The following GRIK2 variants were observed in gnomAD, a reference collection of about 807,000 sequenced individuals.
GRIK2 encodes the protein glutamate receptor ionotropic, kainate 2.
Under a neutral mutation model 100.3 loss-of-function variants are expected in GRIK2, and 32 were observed. That is an observed-to-expected ratio of 0.32 (90% CI 0.24 to 0.43). The LOEUF (loss-of-function observed/expected upper bound fraction) is 0.43, where lower values mean the gene tolerates loss of function less well. GRIK2 is among the 20% of genes least tolerant of loss of function. The pLI is 1.00. For synonymous variants in GRIK2, 417 were observed against 389.4 expected, an observed-to-expected ratio of 1.07 and a Z score of -0.83; for missense variants, 843 against 1,114.9, an observed-to-expected ratio of 0.76 and a Z score of 3.47.
At chr6:101,628,894 A>G (rs1780581172) in intron 4 of GRIK2, among the ~76,000 whole-genome samples, 1 of 152,136 alleles carries the variant, frequency 6.6e-6, no homozygotes, top group South Asian at 2.1e-4. Context: ...CTACAGACAT[A>G]TTAACTTTAT....
chr6:101,728,051 T>G lies in GRIK2; in HGVS notation c.951+41698T>G, dbSNP rs9404131. Among the ~76,000 whole-genome samples, 11 of 152,138 alleles carry G rather than the reference T, an allele frequency of 7.2e-5. No individual in the cohort carries two copies. In the East Asian group the frequency reaches 2.1e-3, roughly 29 times the overall value. On this transcript the variant is annotated intron_variant, in intron 7 of 16. Transcript: ENST00000369134. The stretch of plus-strand genomic sequence containing the variant: ...GAACCTGTCCAAATGCAGAAAAAAT[T>G]GATTTTAAAATAATTCATATAATTA...
chr6:101,538,897 T>A (rs1335725331), intron 2 of GRIK2, among the ~76,000 whole-genome samples: 1 of 151,750 alleles, frequency 6.6e-6, no homozygotes, highest in African/African-American at 2.4e-5. Flanking sequence ...AGCTTAGAAT[T>A]CCAACCAAAT....
At chr6:101,656,921 A>G (rs1769230944) in intron 4 of GRIK2, among the ~76,000 whole-genome samples, 1 of 152,216 alleles carries the variant, frequency 6.6e-6, no homozygotes. Flanking sequence ...TCTGGAGGCA[A>G]AGACTAAGTA....
chr6:101,458,853 T>A (rs1370518536), intron 2 of GRIK2, among the ~76,000 whole-genome samples: 3 of 152,198 alleles, frequency 2.0e-5, no homozygotes, highest in Admixed American at 2.0e-4. Flanking sequence ...ATTTCTTGAT[T>A]TTAAACTGAC....
At chr6:102,059,178 C>A (rs1045295648) in intron 16 of GRIK2, among the ~76,000 whole-genome samples, 2 of 150,954 alleles carry the variant, frequency 1.3e-5, no homozygotes, top group African/African-American at 4.8e-5. Flanking sequence ...AATATGTGGA[C>A]CTTCAAGCAT....
rs2786253 is a variant in GRIK2, at chr6:101,632,141, G to A, written c.541+5504G>A. 2.0e-3 allele frequency among the ~76,000 whole-genome samples: 297 copies of A among 152,140 alleles called. 2 individuals carry two copies. Among genetic ancestry groups the A allele is most frequent in the African/African-American group, 6.9e-3 (287 of 41,504 alleles). ...ACAAACACACTCAGGCATACCATCC[G>A]GCTTGGGTGTCACAAAGAAAGGCTG... On this transcript the variant is annotated intron_variant, in intron 4 of 16. Transcript: ENST00000369134.
chr6:101,892,206 C>A (rs1787150201), intron 12 of GRIK2, among the ~76,000 whole-genome samples: 1 of 152,090 alleles, frequency 6.6e-6, no homozygotes, highest in East Asian at 1.9e-4. Context: ...GTCTTAGACA[C>A]AGAGTTTTGG....
At chr6:101,576,492 T>C (rs1404817192) in intron 2 of GRIK2, among the ~76,000 whole-genome samples, 2 of 152,100 alleles carry the variant, frequency 1.3e-5, no homozygotes, top group East Asian at 1.9e-4. Flanking sequence ...CCAGAGGAAA[T>C]TACTATTTAT....
At chr6:101,432,592 A>G (rs1336948563) in intron 2 of GRIK2, among the ~76,000 whole-genome samples, 1 of 152,196 alleles carries the variant, frequency 6.6e-6, no homozygotes, top group Non-Finnish European at 1.5e-5. Flanking sequence ...ACATATTGAA[A>G]GTGATATTTA....
intron 14 of GRIK2, among the ~76,000 whole-genome samples, chr6:101,969,086 A>G (rs762612599): frequency 3.0e-4 from 45 of 152,040 alleles, no homozygotes; most frequent in Non-Finnish European, 5.7e-4. Flanking sequence ...AGCATAAAAT[A>G]TATTTCCTTA....
intron 2 of GRIK2, among the ~76,000 whole-genome samples, chr6:101,517,021 A>G (rs1582624908): frequency 6.6e-6 from 1 of 152,208 alleles, no homozygotes; most frequent in Non-Finnish European, 1.5e-5. Flanking sequence ...GCAATAGTCT[A>G]TTGCCTTATT....
chr6:101,955,179 G>T lies in GRIK2; in HGVS notation c.2085+26547G>T, dbSNP rs28852986. Among the ~76,000 whole-genome samples the T allele has an allele frequency of 8.4e-3, 1,269 of 151,910 alleles. 16 individuals are homozygous for T. The highest frequency in any genetic ancestry group is 0.029 in the African/African-American group (1,187 of 41,412). On this transcript the variant is annotated intron_variant, in intron 14 of 16. Transcript: ENST00000369134. ...AGTTTGTTTTTCTTGTGATTTTTTT[G>T]GGGGGTTTTGATATCAGGTTGACAC...
chr6:101,486,747 A>G (rs1370359891), intron 2 of GRIK2, among the ~76,000 whole-genome samples: 9 of 117,264 alleles, frequency 7.7e-5, no homozygotes, highest in Admixed American at 7.3e-4. Flanking sequence ...GGCTTAGGTA[A>G]TCAACTTGTA....
chr6:101,893,405 ATAT>A (rs1312167694), intron 12 of GRIK2, among the ~76,000 whole-genome samples: 2 of 151,700 alleles, frequency 1.3e-5, no homozygotes, highest in African/African-American at 4.8e-5. Flanking sequence ...AATCTACATA[ATAT>A]TAACTGTTAG....
intron 2 of GRIK2, chr6:101,431,025 A>T: frequency 3.9e-6 from 1 of 254,220 alleles, no homozygotes; most frequent in South Asian, 5.9e-5. Context: ...GTACTACCGG[A>T]GGTGTACAGG....
At chr6:101,701,248 C>T (rs1472835546) in intron 7 of GRIK2, among the ~76,000 whole-genome samples, 1 of 152,028 alleles carries the variant, frequency 6.6e-6, no homozygotes, top group Non-Finnish European at 1.5e-5. Flanking sequence ...GACTAAGTGA[C>T]TCCAGAAGCT....
intron 14 of GRIK2, among the ~76,000 whole-genome samples, chr6:102,015,275 G>A (rs898711964): frequency 6.6e-6 from 1 of 150,636 alleles, no homozygotes. Context: ...ATTTTTCTTT[G>A]TTTCTCTTGC....
intron 14 of GRIK2, among the ~76,000 whole-genome samples, chr6:101,943,586 G>C (rs989746931): frequency 4.6e-5 from 7 of 152,216 alleles, no homozygotes; most frequent in African/African-American, 7.2e-5. Context: ...TCTTGCATCA[G>C]CATACCCTGT....
At chr6:101,475,533 A>G (rs977089063) in intron 2 of GRIK2, among the ~76,000 whole-genome samples, 2 of 151,952 alleles carry the variant, frequency 1.3e-5, no homozygotes, top group Admixed American at 1.3e-4. Context: ...TTTTCACTTT[A>G]ATGTCTTTCT....
Sources: allele counts gnomAD v4.1 joint callset (sites outside exome capture counted in the v4.1 genomes callset), GRCh38; gene constraint gnomAD v4.1.1; transcripts MANE v1.5; gene names NCBI Gene and HGNC (gene_info 2026-07-23, HGNC 2026-07-21).